The following TDRD15 variants were observed in gnomAD, a reference collection of about 807,000 sequenced individuals.
TDRD15 encodes tudor domain containing 15.
For missense variants in TDRD15, 1,416 were observed against 904.7 expected (o/e 1.57, Z -7.25); for synonymous variants, 503 against 314.5 (o/e 1.60, Z -6.34).
downstream of TDRD15, among the ~76,000 whole-genome samples, chr2:21,146,671 T>A (rs1666036025): frequency 6.6e-6 from 1 of 152,076 alleles, no homozygotes; most frequent in Non-Finnish European, 1.5e-5. Context: ...CTTCTACAGT[T>A]GCTTATTTAA....
rs930924781 is a variant in TDRD15, at chr2:21,142,845, C to T, written c.5378C>T (p.Ser1793Leu). The T allele has an allele frequency of 2.5e-5, 18 of 714,074 alleles. No individual in the cohort carries two copies. Among genetic ancestry groups the T allele is most frequent in the African/African-American group, 8.8e-5 (5 of 57,070 alleles). 44.2% of individuals were successfully genotyped at this position (714,074 alleles called of 1,614,324 possible). The change falls in exon 4 of 4, where the codon TCG (serine) becomes TTG (leucine). Residue 1793 changes from serine (S) to leucine (L), a missense_variant. By Grantham distance (145) the Ser-to-Leu change is moderately radical. Transcript: ENST00000405799. ...TCTAGTTGTTTGTTCAAATATAAAT[C>T]GGAAGATCAGTGGAATAGAGTAGAA... ...PGSSCLFKYK[S>L]EDQWNRVEIS...
At position 21,144,117 on chromosome 2, in the gene TDRD15, A is replaced by G. The variant is rs536253263; in HGVS notation, c.*845A>G. ...TAGGTTTTTTGAGTGTGCTTCTAGCATATTTCTGAACCAGATAAATTTATA... is the reference window on the plus strand; with the variant it reads ...TAGGTTTTTTGAGTGTGCTTCTAGCGTATTTCTGAACCAGATAAATTTATA... On this transcript the variant is annotated 3_prime_UTR_variant, in exon 4 of 4. Transcript: ENST00000405799. 1.4e-3 allele frequency among the ~76,000 whole-genome samples: 210 copies of G among 151,920 alleles called. 2 individuals are homozygous for G. Among genetic ancestry groups the G allele is most frequent in the Non-Finnish European group, 1.5e-3 (102 of 67,788 alleles).
intron 2 of TDRD15, among the ~76,000 whole-genome samples, chr2:21,128,818 G>C (rs1241528199): frequency 6.9e-6 from 1 of 144,612 alleles, no homozygotes; most frequent in Non-Finnish European, 1.5e-5. Flanking sequence ...TTTCTTCACT[G>C]TCAGAGAAGA....
In TDRD15 at chr2:21,141,470, T is replaced by C. The variant is rs1039355571; in HGVS notation, c.4003T>C (p.Leu1335=). The change falls in exon 4 of 4, where the codon TTG becomes CTG. Residue 1335 remains leucine (L), a synonymous_variant. Transcript: ENST00000405799. ...ADALNATARR[L]RERKSVKPLV... is the part of the protein sequence containing the mutation. ...TGCTCTAAATGCAACAGCAAGGAGATTGAGAGAGAGAAAATCAGTTAAACC... is the reference window on the plus strand; with the variant it reads ...TGCTCTAAATGCAACAGCAAGGAGACTGAGAGAGAGAAAATCAGTTAAACC... 4.2e-6 allele frequency: 3 copies of C among 713,986 alleles called. No individual in the cohort carries two copies. The African/African-American group carries it at 5.3e-5, about 13-fold the overall frequency. The allele number at this position is 713,986 out of a possible 1,614,324, so 44.2% of individuals were successfully genotyped here. A position where few individuals can be genotyped will look rare whatever the true frequency, so the allele number is the denominator to read the frequency against.
chr2:21,134,891 A>G (rs1345427982), intron 3 of TDRD15, 44 bp downstream of exon 3: 1 of 151,152 alleles, frequency 6.6e-6, no homozygotes, highest in Non-Finnish European at 1.5e-5. Flanking sequence ...GGATTATCAT[A>G]TTTGAATAAG....
Position 21,140,707 on chromosome 2 carries a change from T to G in TDRD15, c.3240T>G (p.Cys1080Trp). Residue 1080 changes from cysteine to tryptophan, a missense_variant, in exon 4 of 4, where the codon TGT (cysteine) becomes TGG (tryptophan). Transcript: ENST00000405799. ...TTACACCTATGCAAGCTATTAAGTG[T>G]TTTTTGTCAGATCTTAGGGATGTAG... ...LLFTPMQAIKCFLSDLRDVDI... is the reference protein window; with the variant it reads ...LLFTPMQAIKWFLSDLRDVDI... 1.4e-6 allele frequency: 1 copy of G among 713,714 alleles called. No individual in the cohort carries two copies. Among genetic ancestry groups the G allele is most frequent in the Non-Finnish European group, 2.6e-6 (1 of 383,136 alleles). The allele number at this position is 713,714 out of a possible 1,614,324, so 44.2% of individuals were successfully genotyped here. A position where few individuals can be genotyped will look rare whatever the true frequency, so the allele number is the denominator to read the frequency against.
chr2:21,142,199 G>A lies in TDRD15; in HGVS notation c.4732G>A (p.Gly1578Ser). The A allele has an allele frequency of 1.5e-6, 1 of 688,460 alleles. No individual in the cohort carries two copies. The highest frequency in any genetic ancestry group is 2.7e-6 in the Non-Finnish European group (1 of 377,076). The allele number at this position is 688,460 out of a possible 1,614,324, so 42.6% of individuals were successfully genotyped here. A position where few individuals can be genotyped will look rare whatever the true frequency, so the allele number is the denominator to read the frequency against. Residue 1578 changes from glycine (G) to serine (S), a missense_variant, in exon 4 of 4, where the codon GGT becomes AGT. By Grantham distance (56) the Gly-to-Ser change is moderately conservative. Coordinates refer to ENST00000405799, the MANE Select transcript of TDRD15 (RefSeq NM_001306137.2). ...PFLSMESIEKGLECLAKSKNT... is the reference protein window; with the variant it reads ...PFLSMESIEKSLECLAKSKNT... Reference sequence around the variant, plus strand: ...TTTATCAATGGAAAGTATTGAAAAAGGTTTAGAATGCTTGGCAAAATCTAA... The same window carrying A: ...TTTATCAATGGAAAGTATTGAAAAAAGTTTAGAATGCTTGGCAAAATCTAA...
rs1388733793 is a variant in TDRD15 at position 21,141,652 on chromosome 2, G to A, written c.4185G>A (p.Gln1395=). The change falls in exon 4 of 4, where the codon CAG becomes CAA. Residue 1395 remains glutamine (Q), a synonymous_variant. Transcript: ENST00000405799. ...ACACATCTAAAATTTACGAACTTCA[G>A]AGGGAATTTTTAACTGTTCCTCAGC... ...IVNTSKIYEL[Q]REFLTVPQLG... 2 of 714,910 alleles carry A rather than the reference G, an allele frequency of 2.8e-6. No individual in the cohort carries two copies. Among genetic ancestry groups the A allele is most frequent in the African/African-American group, 3.5e-5 (2 of 57,130 alleles). The allele number at this position is 714,910 out of a possible 1,614,324, so 44.3% of individuals were successfully genotyped here. A position where few individuals can be genotyped will look rare whatever the true frequency, so the allele number is the denominator to read the frequency against.
rs1460342761 is a variant in TDRD15 at position 21,138,164 on chromosome 2, T to G, written c.697T>G (p.Leu233Val). The G allele has an allele frequency of 1.4e-6, 1 of 716,762 alleles. No individual in the cohort carries two copies. The highest frequency in any genetic ancestry group is 2.6e-6 in the Non-Finnish European group (1 of 384,506). 44.4% of individuals were successfully genotyped at this position (716,762 alleles called of 1,614,324 possible). A position where few individuals can be genotyped will look rare whatever the true frequency, so the allele number is the denominator to read the frequency against. ...TGATATTCAGCATGTTCTGGATAAG[T>G]TGCAGCCATCTTTGTCAGTAGGAAG... ...SLDIQHVLDK[L>V]QPSLSVGSTE... Residue 233 changes from leucine (L) to valine (V), a missense_variant, in exon 4 of 4, where the codon TTG becomes GTG. Transcript: ENST00000405799.
rs1334455906 is a variant in TDRD15 at position 21,138,805 on chromosome 2, A to C, written c.1338A>C (p.Ala446=). 1.4e-6 allele frequency: 1 copy of C among 713,164 alleles called. No individual in the cohort carries two copies. The highest frequency in any genetic ancestry group is 2.0e-5 in the Admixed American group (1 of 49,282). 44.2% of individuals were successfully genotyped at this position (713,164 alleles called of 1,614,324 possible). A position where few individuals can be genotyped will look rare whatever the true frequency, so the allele number is the denominator to read the frequency against. The part of the protein sequence containing the change: ...ETSVSDVNSF[A]VESFMGNIEW... ...GTGTGTCTGATGTAAACAGCTTTGC[A>C]GTTGAGAGTTTTATGGGAAATATTG... is the stretch of plus-strand genomic sequence containing the variant. The change falls in exon 4 of 4, where the codon GCA becomes GCC. Residue 446 remains alanine, a synonymous_variant. Coordinates refer to ENST00000405799, the MANE Select transcript of TDRD15 (RefSeq NM_001306137.2).
intron 2 of TDRD15, among the ~76,000 whole-genome samples, chr2:21,133,778 T>C (rs1665760236): frequency 6.6e-6 from 1 of 152,080 alleles, no homozygotes; most frequent in Non-Finnish European, 1.5e-5. Flanking sequence ...ATTGAAATAC[T>C]GTAGTCACTA....
Position 21,140,821 on chromosome 2 carries a change from A to T in TDRD15, c.3354A>T (p.Gly1118=), listed in dbSNP as rs964883232. The T allele has an allele frequency of 1.4e-6, 1 of 715,342 alleles. No homozygotes were observed. Among genetic ancestry groups the T allele is most frequent in the African/African-American group, 1.8e-5 (1 of 57,104 alleles). 44.3% of individuals were successfully genotyped at this position (715,342 alleles called of 1,614,324 possible). A position where few individuals can be genotyped will look rare whatever the true frequency, so the allele number is the denominator to read the frequency against. ...TAATATTGTCCCAGGAGTCAGATGG[A>T]CAGCTTGGTATAGAATTGTATGATG... ...KAIILSQESD[G]QLGIELYDGS... is the part of the protein sequence containing the mutation. Residue 1118 remains glycine (G), a synonymous_variant, in exon 4 of 4, where the codon GGA becomes GGT. Coordinates refer to ENST00000405799, the MANE Select transcript of TDRD15 (RefSeq NM_001306137.2).
chr2:21,132,179 T>A (rs1305105195), intron 2 of TDRD15, among the ~76,000 whole-genome samples: 1 of 151,646 alleles, frequency 6.6e-6, no homozygotes, highest in Non-Finnish European at 1.5e-5. Context: ...GTGATGGGAG[T>A]GTAATAGGAA....
chr2:21,130,337 T>A (rs1022242673), intron 2 of TDRD15, among the ~76,000 whole-genome samples: 1 of 152,238 alleles, frequency 6.6e-6, no homozygotes, highest in Non-Finnish European at 1.5e-5. Context: ...AAGCTGAAGA[T>A]GCATTTAATG....
chr2:21,131,446 C>G (rs78096906), intron 2 of TDRD15, among the ~76,000 whole-genome samples: 1 of 152,128 alleles, frequency 6.6e-6, no homozygotes, highest in Non-Finnish European at 1.5e-5. Flanking sequence ...AAACTAACTT[C>G]GAAGAAACTA....
downstream of TDRD15, among the ~76,000 whole-genome samples, chr2:21,146,989 T>A (rs1409602798): frequency 6.6e-6 from 1 of 152,094 alleles, no homozygotes; most frequent in Non-Finnish European, 1.5e-5. Flanking sequence ...CAGTTTCTTC[T>A]TGTGTAAAAT....
rs957537294 is a variant in TDRD15, at chr2:21,138,109, A to G, written c.642A>G (p.Glu214=). The change falls in exon 4 of 4, where the codon GAA becomes GAG. Residue 214 remains glutamate, a synonymous_variant. Coordinates refer to ENST00000405799, the MANE Select transcript of TDRD15 (RefSeq NM_001306137.2). Reference sequence around the variant, plus strand: ...ATTTATTACAACATAAAAGGCCTGAATTGTCATTAGGTAATAAAGATACTT... The same window carrying G: ...ATTTATTACAACATAAAAGGCCTGAGTTGTCATTAGGTAATAAAGATACTT... ...MPDLLQHKRP[E]LSLGNKDTSL... 1.4e-5 allele frequency: 10 copies of G among 716,292 alleles called. No homozygotes were observed. Among genetic ancestry groups the G allele is most frequent in the Non-Finnish European group, 2.3e-5 (9 of 384,452 alleles). 44.4% of individuals were successfully genotyped at this position (716,292 alleles called of 1,614,324 possible). A position where few individuals can be genotyped will look rare whatever the true frequency, so the allele number is the denominator to read the frequency against.
rs1196777918 is a variant in TDRD15, at chr2:21,141,056, C to G, written c.3589C>G (p.Gln1197Glu). The G allele has an allele frequency of 1.1e-5, 8 of 706,228 alleles. No individual in the cohort carries two copies. The East Asian group carries it at 2.1e-4, about 19-fold the overall frequency. 43.7% of individuals were successfully genotyped at this position (706,228 alleles called of 1,614,324 possible). A position where few individuals can be genotyped will look rare whatever the true frequency, so the allele number is the denominator to read the frequency against. The change falls in exon 4 of 4, where the codon CAA becomes GAA. Residue 1197 changes from glutamine to glutamate, a missense_variant. Transcript: ENST00000405799. Reference sequence around the variant, plus strand: ...AACATATTCCGAAAGAAAAATAGACCAATTGATGCATCCCAAAAATATACA... The same window carrying G: ...AACATATTCCGAAAGAAAAATAGACGAATTGATGCATCCCAAAAATATACA... ...PVTYSERKIDQLMHPKNIHAR... is the reference protein window; with the variant it reads ...PVTYSERKIDELMHPKNIHAR...
rs1313657910 is a variant in TDRD15 at position 21,138,661 on chromosome 2, T to C, written c.1194T>C (p.Tyr398=). 2.0e-5 allele frequency: 14 copies of C among 715,208 alleles called. No individual in the cohort carries two copies. The highest frequency in any genetic ancestry group is 1.8e-4 in the Admixed American group (9 of 49,790). 44.3% of individuals were successfully genotyped at this position (715,208 alleles called of 1,614,324 possible). A position where few individuals can be genotyped will look rare whatever the true frequency, so the allele number is the denominator to read the frequency against. The part of the protein sequence containing the change: ...DWFNKDECLY[Y]VTLQTQESTV... ...TCAATAAGGATGAGTGTTTGTATTA[T>C]GTGACATTACAAACTCAAGAGTCTA... Residue 398 remains tyrosine (Y), a synonymous_variant, in exon 4 of 4, where the codon TAT becomes TAC. Transcript: ENST00000405799.
Sources: gnomAD v4.1 joint callset for allele counts (sites outside exome capture counted in the v4.1 genomes callset) on GRCh38, gnomAD v4.1.1 for gene constraint, MANE v1.5 for transcripts, NCBI Gene and HGNC (gene_info 2026-07-23, HGNC 2026-07-21) for gene names.